SPAG16: variants seen among roughly 807,000 people sequenced by gnomAD.
SPAG16 encodes the protein sperm associated antigen 16, also known as sperm-associated antigen 16 protein.
SPAG16 carries 86 observed loss-of-function variants against 80.4 expected under a neutral mutation model. That is an observed-to-expected ratio of 1.07 (90% confidence interval 0.90 to 1.28). SPAG16 has a LOEUF of 1.28. Among genes scored for constraint, SPAG16 ranks in the 50% most tolerant of loss-of-function variants. SPAG16 has a pLI of 0.00. For missense variants in SPAG16, 870 were observed against 765.3 expected, an observed-to-expected ratio of 1.14 and a Z score of -1.61; for synonymous variants, 294 against 265.9, an observed-to-expected ratio of 1.11 and a Z score of -1.03.
At chr2:213,346,426 G>A (rs943313363) in intron 6 of SPAG16, among the ~76,000 whole-genome samples, 1 of 152,200 alleles carries the variant, frequency 6.6e-6, no homozygotes, top group South Asian at 2.1e-4. Flanking sequence ...GTGCTGAATA[G>A]GAGTGATGAG....
intron 9 of SPAG16, among the ~76,000 whole-genome samples, chr2:213,418,228 G>A (rs1005185320): frequency 6.6e-6 from 1 of 151,702 alleles, no homozygotes; most frequent in Non-Finnish European, 1.5e-5. Flanking sequence ...GGTATTTATA[G>A]ATATACATGG....
In SPAG16 at chr2:214,273,488, C is replaced by CT. The variant is rs199753182; in HGVS notation, c.1720+124223dup. On this transcript the variant is annotated intron_variant, in intron 15 of 15. Transcript: ENST00000331683. The stretch of plus-strand genomic sequence containing the variant: ...TTTGTGTAAGGTGTAAGGAGGGGAT[C>CT]TAGTTTCAGCTTTATACATATGACT... Among the ~76,000 whole-genome samples the CT allele has an allele frequency of 5.0e-3, 760 of 152,250 alleles. 5 individuals carry two copies. The highest frequency in any genetic ancestry group is 0.017 in the African/African-American group (719 of 41,554).
chr2:214,269,091 C>A (rs113170005), intron 15 of SPAG16, among the ~76,000 whole-genome samples: 3,347 of 151,998 alleles, frequency 0.022, 83 homozygotes, highest in African/African-American at 0.057. Flanking sequence ...TTTAAATTAT[C>A]ATGGTGGACA....
At chr2:213,381,214 T>C (rs1362424605) in intron 9 of SPAG16, among the ~76,000 whole-genome samples, 1 of 152,176 alleles carries the variant, frequency 6.6e-6, no homozygotes, top group Non-Finnish European at 1.5e-5. Flanking sequence ...TAATTATATC[T>C]GAAAGGTATG....
chr2:213,906,675 A>G (rs1416701522), intron 11 of SPAG16, among the ~76,000 whole-genome samples: 1 of 152,194 alleles, frequency 6.6e-6, no homozygotes, highest in Non-Finnish European at 1.5e-5. Context: ...ACACATTAGA[A>G]AAATGAAACA....
At chr2:214,264,345 T>C (rs1559165146) in intron 15 of SPAG16, among the ~76,000 whole-genome samples, 2 of 152,180 alleles carry the variant, frequency 1.3e-5, no homozygotes, top group Non-Finnish European at 2.9e-5. Context: ...CTCCTCAGCA[T>C]TGCAGCCACA....
intron 12 of SPAG16, among the ~76,000 whole-genome samples, chr2:214,012,288 ATTTTTT>A (rs778689045): frequency 2.1e-5 from 1 of 46,820 alleles, no homozygotes; most frequent in Middle Eastern, 0.014. Context: ...ATATATATAT[ATTTTTT>A]TTTTTTTTTT....
chr2:213,359,751 C>T (rs866197246), intron 7 of SPAG16, among the ~76,000 whole-genome samples: 9 of 152,174 alleles, frequency 5.9e-5, no homozygotes, highest in South Asian at 2.1e-4. Flanking sequence ...ACGCCCTGCC[C>T]TGCTTCAGCT....
chr2:214,035,985 T>G (rs912501584), intron 13 of SPAG16, among the ~76,000 whole-genome samples: 2 of 152,252 alleles, frequency 1.3e-5, no homozygotes, highest in African/African-American at 4.8e-5. Flanking sequence ...CATGACTAGT[T>G]TTAATATCCA....
intron 15 of SPAG16, among the ~76,000 whole-genome samples, chr2:214,346,229 C>T (rs1263373830): frequency 1.3e-5 from 2 of 151,610 alleles, no homozygotes; most frequent in Non-Finnish European, 2.9e-5. Flanking sequence ...CGTGTTGTAG[C>T]ATTTTATTAT....
intron 10 of SPAG16, among the ~76,000 whole-genome samples, chr2:213,610,735 C>G (rs751484731): frequency 6.6e-6 from 1 of 151,948 alleles, no homozygotes; most frequent in South Asian, 2.1e-4. Flanking sequence ...AGGAAGAACG[C>G]GTCTACCCTA....
intron 11 of SPAG16, among the ~76,000 whole-genome samples, chr2:213,866,126 A>AAAAG (rs770887963): frequency 2.0e-5 from 3 of 151,536 alleles, no homozygotes; most frequent in Non-Finnish European, 4.4e-5. Flanking sequence ...AAACTTACCA[A>AAAAG]AAAGAAAGAA....
rs377319492 is a variant in SPAG16 at position 214,108,363 on chromosome 2, A to G, written c.1593+102A>G. ...GCTAAAATGGTAAGTTAATGAGGTG[A>G]GAAGAACAACTTTAGGAATTAGTTG... On this transcript the variant is annotated intron_variant, in intron 14 of 15. Coordinates refer to ENST00000331683, the MANE Select transcript of SPAG16 (RefSeq NM_024532.5). The G allele has an allele frequency of 2.0e-5, 18 of 906,334 alleles. No homozygotes were observed. The African/African-American group carries it at 2.7e-4, about 14-fold the overall frequency. The allele number at this position is 906,334 out of a possible 1,614,324, so 56.1% of individuals were successfully genotyped here.
intron 10 of SPAG16, among the ~76,000 whole-genome samples, chr2:213,493,748 G>A (rs2074362772): frequency 6.6e-6 from 1 of 152,070 alleles, no homozygotes; most frequent in Non-Finnish European, 1.5e-5. Flanking sequence ...GCTAATTTTT[G>A]TATTTTTAGA....
At position 213,761,220 on chromosome 2, in the gene SPAG16, T is replaced by A. The variant is rs189090018; in HGVS notation, c.1071-101265T>A. 3.1e-3 allele frequency among the ~76,000 whole-genome samples: 475 copies of A among 152,146 alleles called. 2 individuals are homozygous for A. Among genetic ancestry groups the A allele is most frequent in the African/African-American group, 0.011 (451 of 41,500 alleles). On this transcript the variant is annotated intron_variant, in intron 10 of 15. Coordinates refer to ENST00000331683, the MANE Select transcript of SPAG16 (RefSeq NM_024532.5). ...ATTGTAAGGGAAATTCGAAAATACT[T>A]GGAGATGAAGGAAAATGAAAACAAT...
intron 10 of SPAG16, among the ~76,000 whole-genome samples, chr2:213,821,974 C>T (rs1233558806): frequency 2.6e-5 from 4 of 152,104 alleles, no homozygotes; most frequent in African/African-American, 9.7e-5. Flanking sequence ...AGGTTGCTTC[C>T]AAATCTTGGC....
intron 10 of SPAG16, among the ~76,000 whole-genome samples, chr2:213,660,990 TCTTAA>T (rs533073513): frequency 2.0e-3 from 301 of 152,248 alleles, no homozygotes; most frequent in African/African-American, 6.8e-3. Flanking sequence ...CTTTATGCAC[TCTTAA>T]CTTGTCTTGT....
At chr2:214,213,651 C>T (rs774473143) in intron 15 of SPAG16, among the ~76,000 whole-genome samples, 24 of 152,168 alleles carry the variant, frequency 1.6e-4, no homozygotes, top group Non-Finnish European at 2.6e-4. Context: ...AAATATTCCT[C>T]CAGATTTTGG....
At chr2:214,388,617 G>C (rs1385688304) in intron 15 of SPAG16, among the ~76,000 whole-genome samples, 1 of 152,178 alleles carries the variant, frequency 6.6e-6, no homozygotes, top group Non-Finnish European at 1.5e-5. Flanking sequence ...ATCCACGCAT[G>C]TGTCTGATCA....
Sources: gnomAD v4.1 joint callset for allele counts (sites outside exome capture counted in the v4.1 genomes callset) on GRCh38, gnomAD v4.1.1 for gene constraint, MANE v1.5 for transcripts, NCBI Gene and HGNC (gene_info 2026-07-23, HGNC 2026-07-21) for gene names.